The following MTREX variants were observed in gnomAD, a reference collection of about 807,000 sequenced individuals.
The protein encoded by MTREX is exosome RNA helicase MTR4.
Under a neutral mutation model 135.4 loss-of-function variants are expected in MTREX, and 76 were observed. The ratio of observed to expected loss-of-function variants is 0.56; its 90% CI spans 0.47 to 0.68. The LOEUF (loss-of-function observed/expected upper bound fraction) is 0.68, where lower values mean the gene tolerates loss of function less well. Ranked by LOEUF, MTREX falls within the 30% of genes least tolerant of loss-of-function variation. The pLI is 0.00. For missense variants in MTREX, 920 were observed against 1,262.1 expected, an observed-to-expected ratio of 0.73 and a Z score of 4.11; for synonymous variants, 404 against 401.6, an observed-to-expected ratio of 1.01 and a Z score of -0.07.
intron 18 of MTREX, among the ~76,000 whole-genome samples, chr5:55,381,073 A>G (rs1750390033): frequency 1.3e-5 from 2 of 152,232 alleles, no homozygotes; most frequent in South Asian, 4.1e-4. Flanking sequence ...AGTTATTCGT[A>G]GTATTATTTT....
chr5:55,382,590 A>T (rs771930349), intron 18 of MTREX, among the ~76,000 whole-genome samples: 7 of 151,874 alleles, frequency 4.6e-5, no homozygotes, highest in Non-Finnish European at 1.0e-4. Context: ...GCTTTTTGAA[A>T]ATTTTTTATT....
At chr5:55,394,156 A>G (rs1297274181) in intron 19 of MTREX, among the ~76,000 whole-genome samples, 1 of 152,256 alleles carries the variant, frequency 6.6e-6, no homozygotes, top group East Asian at 1.9e-4. Flanking sequence ...CTACAGGTAT[A>G]TAAAAATACT....
chr5:55,334,619 A>T (rs543132721), intron 5 of MTREX, among the ~76,000 whole-genome samples: 50 of 152,232 alleles, frequency 3.3e-4, no homozygotes, highest in Admixed American at 1.1e-3. Flanking sequence ...CATTAAATTT[A>T]TCTATCATAA....
intron 1 of MTREX, among the ~76,000 whole-genome samples, chr5:55,319,156 CTG>C (rs1366807781): frequency 6.6e-6 from 1 of 152,076 alleles, no homozygotes. Context: ...GTTGCTTAGT[CTG>C]TATTTTCTGA....
At chr5:55,341,889 C>G (rs1208062634) in intron 7 of MTREX, 118 bp downstream of exon 7, 1 of 524,156 alleles carries the variant, frequency 1.9e-6, no homozygotes. Context: ...TTCTAATAAA[C>G]TGTTGTTTCT....
chr5:55,373,720 A>G (rs1750244685), intron 16 of MTREX, among the ~76,000 whole-genome samples: 1 of 151,290 alleles, frequency 6.6e-6, no homozygotes, highest in Admixed American at 6.6e-5. Context: ...GTCTAAACTT[A>G]GGACTTGTGA....
Position 55,378,319 on chromosome 5 carries a change from A to G in MTREX, c.1816A>G (p.Lys606Glu). The change falls in exon 17 of 27, where the codon AAG becomes GAG. Residue 606 changes from lysine to glutamate, a missense_variant. Physicochemically the swap from Lys to Glu is moderately conservative, Grantham distance 56. This residue lies in a region of MTREX where 467 missense variants were observed against 589.7 expected (regional missense o/e 0.79). Transcript: ENST00000230640. ...RAIPGVVEKVKNSEEQYNKIV... is the reference protein window; with the variant it reads ...RAIPGVVEKVENSEEQYNKIV... ...TACATGTGTTCTATTTACAGAGGTA[A>G]AGAATTCAGAAGAACAGTATAATAA... 1 of 1,591,110 alleles carries G rather than the reference A, an allele frequency of 6.3e-7. No homozygotes were observed. The highest frequency in any genetic ancestry group is 8.5e-7 in the Non-Finnish European group (1 of 1,173,274).
At chr5:55,308,929 A>G (rs1365301856) in intron 1 of MTREX, among the ~76,000 whole-genome samples, 1 of 152,202 alleles carries the variant, frequency 6.6e-6, no homozygotes, top group Non-Finnish European at 1.5e-5. Flanking sequence ...TAAATTAGAC[A>G]TGATTTTGCT....
intron 8 of MTREX, 50 bp from the exon 9 acceptor site, chr5:55,344,472 T>A (rs1749698868): frequency 8.0e-7 from 1 of 1,242,692 alleles, no homozygotes; most frequent in African/African-American, 1.5e-5. Context: ...AAGATACAGT[T>A]TTATTTTGAG....
chr5:55,332,584 C>T (rs928070812), intron 5 of MTREX, among the ~76,000 whole-genome samples: 6 of 152,150 alleles, frequency 3.9e-5, no homozygotes, highest in African/African-American at 1.4e-4. Flanking sequence ...AAACCAAGAA[C>T]ATGGCACAGG....
chr5:55,401,684 T>G (rs1579895319), intron 21 of MTREX, among the ~76,000 whole-genome samples: 1 of 152,256 alleles, frequency 6.6e-6, no homozygotes, highest in Admixed American at 6.5e-5. Flanking sequence ...TGTAGCCATC[T>G]TAATAGCGTC....
intron 21 of MTREX, among the ~76,000 whole-genome samples, chr5:55,403,283 G>A (rs375626059): frequency 6.6e-6 from 1 of 151,996 alleles, no homozygotes; most frequent in East Asian, 1.9e-4. Flanking sequence ...TCCACAGTTG[G>A]TTCAATCCAT....
chr5:55,384,682 C>A (rs938989952), intron 18 of MTREX, among the ~76,000 whole-genome samples: 2 of 152,254 alleles, frequency 1.3e-5, no homozygotes, highest in South Asian at 4.1e-4. Flanking sequence ...TGTTTAGTGT[C>A]GGGCTGGATT....
At position 55,345,664 on chromosome 5, in the gene MTREX, A is replaced by ATT. The variant is rs553778793; in HGVS notation, c.1108+487_1108+488dup. Reference sequence around the variant, plus strand: ...ATGTTTTCAAGGTTCGTTACTTTTAATTTTTTTTTTTTTTTTTTTTGAGAC... The same window carrying ATT: ...ATGTTTTCAAGGTTCGTTACTTTTAATTTTTTTTTTTTTTTTTTTTTTGAGAC... On this transcript the variant is annotated intron_variant, in intron 10 of 26. Transcript: ENST00000230640. 2.4e-3 allele frequency among the ~76,000 whole-genome samples: 322 copies of ATT among 132,836 alleles called. 3 individuals are homozygous for ATT. The highest frequency in any genetic ancestry group is 6.6e-3 in the African/African-American group (238 of 36,056). The allele number at this position is 132,836 out of a possible 152,430, so 87.1% of individuals were successfully genotyped here.
Position 55,358,604 on chromosome 5 carries a change from G to C in MTREX, c.1565G>C (p.Gly522Ala). ...TCTGGTGAATACATTCAGATGTCTG[G>C]TCGTGCTGGAAGGAGAGGAATGGAT... ...ISSGEYIQMSGRAGRRGMDDR... is the reference protein window; with the variant it reads ...ISSGEYIQMSARAGRRGMDDR... The change falls in exon 15 of 27, where the codon GGT (glycine) becomes GCT (alanine). Residue 522 changes from glycine to alanine, a missense_variant. This residue lies in a region of MTREX where 46 missense variants were observed against 116.8 expected (regional missense o/e 0.39). Coordinates refer to ENST00000230640, the MANE Select transcript of MTREX (RefSeq NM_015360.5). 6.2e-7 allele frequency: 1 copy of C among 1,608,008 alleles called. No individual in the cohort carries two copies. The highest frequency in any genetic ancestry group is 8.5e-7 in the Non-Finnish European group (1 of 1,178,168).
chr5:55,399,727 T>C (rs1227050085), intron 20 of MTREX, among the ~76,000 whole-genome samples: 2 of 152,174 alleles, frequency 1.3e-5, no homozygotes, highest in Non-Finnish European at 1.5e-5. Flanking sequence ...GACCTTGTGA[T>C]CCGCCCACCT....
chr5:55,362,083 A>ATTT (rs35074192), intron 15 of MTREX, among the ~76,000 whole-genome samples: 43 of 111,146 alleles, frequency 3.9e-4, no homozygotes, highest in East Asian at 1.5e-3. Flanking sequence ...CGTCTGGCTA[A>ATTT]TTTTTTTTTT....
intron 21 of MTREX, among the ~76,000 whole-genome samples, chr5:55,404,295 A>G (rs1051270181): frequency 6.6e-6 from 1 of 152,240 alleles, no homozygotes; most frequent in Non-Finnish European, 1.5e-5. Flanking sequence ...TGTCATAGTC[A>G]GAAAATATGT....
In MTREX at chr5:55,391,439, CCTCT is replaced by C. The variant is rs1333635211; in HGVS notation, c.2181+3341_2181+3344del. Among the ~76,000 whole-genome samples, 3 of 152,058 alleles carry C rather than the reference CCTCT, an allele frequency of 2.0e-5. No homozygotes were observed. The East Asian group carries it at 5.8e-4, about 29-fold the overall frequency. ...TCCAGCCTGAGCAACAGAGCAAGAC[CCTCT>C]CTCAAAAAAATCAATCTCTTTGTCT... On this transcript the variant is annotated intron_variant, in intron 19 of 26. Transcript: ENST00000230640.
Sources: allele counts gnomAD v4.1 joint callset (sites outside exome capture counted in the v4.1 genomes callset), GRCh38; gene constraint gnomAD v4.1.1; regional missense constraint gnomAD v4.1.1; transcripts MANE v1.5; gene names NCBI Gene and HGNC (gene_info 2026-07-23, HGNC 2026-07-21).